Variants in ZBTB20 observed in about 807,000 individuals in gnomAD.
ZBTB20 encodes zinc finger and BTB domain containing 20.
A neutral mutation model predicts 56.9 loss-of-function variants in ZBTB20; 9 were observed. The observed-to-expected ratio is 0.16, with a 90% CI of 0.10 to 0.28. The LOEUF is 0.28. Among genes scored for constraint, ZBTB20 ranks in the 10% least tolerant of loss-of-function variants. The pLI is 1.00. For missense variants in ZBTB20, 655 were observed against 1,003.0 expected (o/e 0.65, Z 4.69); for synonymous variants, 417 against 420.7 (o/e 0.99, Z 0.11).
At chr3:115,075,535 A>C (rs1560550409) in intron 1 of ZBTB20, among the ~76,000 whole-genome samples, 1 of 152,206 alleles carries the variant, frequency 6.6e-6, no homozygotes, top group East Asian at 1.9e-4. Context: ...ATAGAAGGAC[A>C]TTTAGGTTGT....
At position 114,321,591 on chromosome 3, in the gene ZBTB20, A is replaced by C. The variant is rs978652129; in HGVS notation, c.*17414T>G. The C allele has an allele frequency of 6.6e-6, 1 of 152,220 alleles. No homozygotes were observed. The highest frequency in any genetic ancestry group is 1.5e-5 in the Non-Finnish European group (1 of 68,036). The allele number at this position is 152,220 out of a possible 1,614,324, so 9.4% of individuals were successfully genotyped here. The stretch of plus-strand genomic sequence containing the variant: ...AATTCACACAGATGGTTCCATATGG[A>C]AACAAAAAATAAAGAGAAAGAACTG... On this transcript the variant is annotated 3_prime_UTR_variant, in exon 12 of 12. Coordinates refer to ENST00000675478, the MANE Select transcript of ZBTB20 (RefSeq NM_001348800.3).
chr3:114,414,470 C>T (rs1173985542), intron 7 of ZBTB20, among the ~76,000 whole-genome samples: 1 of 151,962 alleles, frequency 6.6e-6, no homozygotes, highest in Non-Finnish European at 1.5e-5. Context: ...TTTGTTTCTC[C>T]ACATTTTGAA....
chr3:115,146,370 T>C (rs1385640837), intron 1 of ZBTB20, among the ~76,000 whole-genome samples: 1 of 98,990 alleles, frequency 1.0e-5, no homozygotes, highest in Non-Finnish European at 2.1e-5. Context: ...GGATAACAGC[T>C]GGGGGCGGGG....
chr3:114,935,641 G>A (rs922525265), intron 3 of ZBTB20, among the ~76,000 whole-genome samples: 1 of 152,156 alleles, frequency 6.6e-6, no homozygotes, highest in Non-Finnish European at 1.5e-5. Context: ...TTCTCGGCCT[G>A]TGGATACCTG....
intron 7 of ZBTB20, among the ~76,000 whole-genome samples, chr3:114,426,923 T>C (rs181083543): frequency 2.5e-4 from 38 of 152,392 alleles, no homozygotes; most frequent in African/African-American, 6.7e-4. Context: ...TAAGTCTTGA[T>C]TTCAAATTGG....
chr3:114,459,191 C>A (rs570849718), intron 7 of ZBTB20, among the ~76,000 whole-genome samples: 1 of 152,250 alleles, frequency 6.6e-6, no homozygotes, highest in East Asian at 1.9e-4. Context: ...TACTTTCAAG[C>A]ACCTTTTTTT....
chr3:115,145,671 G>A (rs980389767), intron 1 of ZBTB20, among the ~76,000 whole-genome samples: 5 of 152,136 alleles, frequency 3.3e-5, no homozygotes, highest in Non-Finnish European at 7.3e-5. Flanking sequence ...CACAGGAAGG[G>A]CTGACTGTAT....
intron 6 of ZBTB20, among the ~76,000 whole-genome samples, chr3:114,689,467 C>T (rs555423658): frequency 2.9e-4 from 44 of 152,110 alleles, no homozygotes; most frequent in African/African-American, 9.6e-4. Flanking sequence ...GAAGGTGTAT[C>T]GTACTAGTTC....
Position 115,113,423 on chromosome 3 carries a change from T to G in ZBTB20, c.-703+33796A>C, listed in dbSNP as rs548835837. Among the ~76,000 whole-genome samples the G allele has an allele frequency of 1.6e-4, 24 of 152,298 alleles. No homozygotes were observed. In the South Asian group the frequency reaches 4.1e-3, roughly 26 times the overall value. ...ATGGCTTTGCCAGAATATGAAGCAT[T>G]GGTATAAGATCAAAGGCAAAGACAG... On this transcript the variant is annotated intron_variant, in intron 1 of 11. Transcript: ENST00000675478.
intron 2 of ZBTB20, 74 bp from the exon 3 acceptor site, chr3:114,974,490 C>A (rs1051159402): frequency 1.3e-5 from 2 of 152,174 alleles, no homozygotes; most frequent in African/African-American, 4.8e-5. Context: ...ATCTTTATGA[C>A]CCAGGTAGCT....
intron 3 of ZBTB20, among the ~76,000 whole-genome samples, chr3:114,961,314 G>A (rs1237865405): frequency 1.3e-5 from 2 of 151,798 alleles, no homozygotes; most frequent in East Asian, 3.9e-4. Context: ...AAAGGCATCT[G>A]GTTTGCAGTA....
At chr3:115,018,760 C>T (rs369848591) in intron 2 of ZBTB20, among the ~76,000 whole-genome samples, 4 of 151,488 alleles carry the variant, frequency 2.6e-5, no homozygotes, top group East Asian at 1.9e-4. Context: ...ATTAATGCTT[C>T]GGTAGCATTA....
At chr3:115,123,494 C>G (rs2084240049) in intron 1 of ZBTB20, among the ~76,000 whole-genome samples, 1 of 152,130 alleles carries the variant, frequency 6.6e-6, no homozygotes, top group African/African-American at 2.4e-5. Context: ...ATTAAACTGT[C>G]AAAAAGTGTT....
At chr3:114,554,642 T>A (rs2050984049) in intron 6 of ZBTB20, among the ~76,000 whole-genome samples, 1 of 152,202 alleles carries the variant, frequency 6.6e-6, no homozygotes, top group Admixed American at 6.5e-5. Context: ...TCATGTGGCT[T>A]GTACACAAGA....
chr3:114,445,516 T>A (rs1261781586), intron 7 of ZBTB20: 1 of 152,190 alleles, frequency 6.6e-6, no homozygotes. Context: ...AGCACCTCAG[T>A]GCAATGAAAT....
intron 7 of ZBTB20, among the ~76,000 whole-genome samples, chr3:114,393,643 T>C (rs867202521): frequency 6.6e-6 from 1 of 152,308 alleles, no homozygotes; most frequent in Non-Finnish European, 1.5e-5. Context: ...AATGACTTCA[T>C]GGGGTTTCAC....
chr3:114,726,070 G>A (rs1006212116), intron 5 of ZBTB20, among the ~76,000 whole-genome samples: 2 of 152,152 alleles, frequency 1.3e-5, no homozygotes, highest in Admixed American at 6.5e-5. Flanking sequence ...CTATGTAACC[G>A]GTAAAAGGTG....
chr3:114,677,554 T>C (rs546441549), intron 6 of ZBTB20, among the ~76,000 whole-genome samples: 8 of 152,302 alleles, frequency 5.3e-5, no homozygotes, highest in African/African-American at 1.9e-4. Flanking sequence ...AGTTTCATCC[T>C]GAAACCATCC....
intron 6 of ZBTB20, among the ~76,000 whole-genome samples, chr3:114,637,182 G>A (rs2059325577): frequency 6.6e-6 from 1 of 151,980 alleles, no homozygotes; most frequent in African/African-American, 2.4e-5. Context: ...GAATCCTCTT[G>A]ACTGGAGTAG....
Sources: allele counts gnomAD v4.1 joint callset (sites outside exome capture counted in the v4.1 genomes callset), GRCh38; gene constraint gnomAD v4.1.1; transcripts MANE v1.5; gene names NCBI Gene and HGNC (gene_info 2026-07-23, HGNC 2026-07-21).